The following FRMD4A variants were observed in gnomAD, a reference collection of about 807,000 sequenced individuals.
The protein encoded by FRMD4A is FERM domain-containing protein 4A.
Under a neutral mutation model 129.1 loss-of-function variants are expected in FRMD4A, and 29 were observed. The ratio of observed to expected loss-of-function variants is 0.22; its 90% CI spans 0.17 to 0.31. The LOEUF (loss-of-function observed/expected upper bound fraction) is 0.31. Ranked by LOEUF, FRMD4A falls within the 10% of genes least tolerant of loss-of-function variation. The pLI, the probability that FRMD4A is intolerant of heterozygous loss-of-function variation, is 1.00. For synonymous variants in FRMD4A, 634 were observed against 571.6 expected (o/e 1.11, Z -1.56); for missense variants, 1,272 against 1,375.8 (o/e 0.92, Z 1.19).
At chr10:13,708,235 C>T (rs1211379886) in intron 12 of FRMD4A, among the ~76,000 whole-genome samples, 1 of 152,208 alleles carries the variant, frequency 6.6e-6, no homozygotes, top group East Asian at 1.9e-4. Flanking sequence ...GGACCTCAGG[C>T]TCCTGACCCT....
At chr10:14,014,908 C>T (rs2095693301) in intron 2 of FRMD4A, among the ~76,000 whole-genome samples, 1 of 151,478 alleles carries the variant, frequency 6.6e-6, no homozygotes, top group Non-Finnish European at 1.5e-5. Flanking sequence ...CCCTCCCTCC[C>T]TCCCTTCCTT....
chr10:13,843,317 G>A (rs568726632), intron 3 of FRMD4A, among the ~76,000 whole-genome samples: 4 of 152,234 alleles, frequency 2.6e-5, no homozygotes, highest in South Asian at 4.1e-4. Flanking sequence ...TTTGAGAACC[G>A]CTGATTTCAA....
chr10:13,771,929 C>CAAAACA lies in FRMD4A; in HGVS notation c.385-9250_385-9249insTGTTTT, dbSNP rs201421882. ...ACCCTGTTTCACTTTGAAACAAAAC[C>CAAAACA]AAACAAAACAAAACAAAACACACAA... is the stretch of plus-strand genomic sequence containing the variant. On this transcript the variant is annotated intron_variant, in intron 6 of 24. Transcript: ENST00000357447. 8.6e-5 allele frequency among the ~76,000 whole-genome samples: 13 copies of CAAAACA among 151,252 alleles called. No homozygotes were observed. In the East Asian group the frequency reaches 1.4e-3, roughly 16 times the overall value.
intron 2 of FRMD4A, among the ~76,000 whole-genome samples, chr10:14,016,579 A>C (rs2095699865): frequency 6.6e-6 from 1 of 152,186 alleles, no homozygotes; most frequent in African/African-American, 2.4e-5. Context: ...TGGTAAACAG[A>C]CTTCTTCTTG....
chr10:14,185,741 G>A (rs192372942), intron 2 of FRMD4A, among the ~76,000 whole-genome samples: 5 of 152,342 alleles, frequency 3.3e-5, no homozygotes, highest in South Asian at 2.1e-4. Context: ...GATGGCAACA[G>A]CAGTAGACCA....
At chr10:13,676,744 G>A (rs751373663) in intron 15 of FRMD4A, among the ~76,000 whole-genome samples, 14 of 152,228 alleles carry the variant, frequency 9.2e-5, no homozygotes, top group Middle Eastern at 3.4e-3. Flanking sequence ...TCTCCACCGC[G>A]AAAACTGTCC....
chr10:13,915,669 CAA>C (rs68011803), intron 2 of FRMD4A, among the ~76,000 whole-genome samples: 47 of 121,932 alleles, frequency 3.9e-4, no homozygotes, highest in African/African-American at 4.0e-4. Context: ...GACTCTATCT[CAA>C]AAAAAAAAAA....
At chr10:13,963,338 A>G (rs1297985414) in intron 2 of FRMD4A, among the ~76,000 whole-genome samples, 1 of 148,250 alleles carries the variant, frequency 6.7e-6, no homozygotes, top group Non-Finnish European at 1.5e-5. Context: ...AGCCCACACC[A>G]TATGTAGGCA....
chr10:13,775,064 A>C (rs1458073951), intron 6 of FRMD4A, among the ~76,000 whole-genome samples: 1 of 152,286 alleles, frequency 6.6e-6, no homozygotes, highest in African/African-American at 2.4e-5. Flanking sequence ...AAAGACAGAG[A>C]TAGACAGCTG....
intron 2 of FRMD4A, among the ~76,000 whole-genome samples, chr10:14,278,545 T>C (rs1358258841): frequency 6.6e-6 from 1 of 152,252 alleles, no homozygotes; most frequent in East Asian, 1.9e-4. Context: ...GAAACATTTG[T>C]TCTTACAACC....
intron 2 of FRMD4A, among the ~76,000 whole-genome samples, chr10:14,047,426 T>C (rs1052187950): frequency 1.3e-5 from 2 of 152,174 alleles, no homozygotes; most frequent in African/African-American, 4.8e-5. Context: ...TGGTATGTGA[T>C]CCACACACAT....
At chr10:14,262,761 G>C (rs1353295022) in intron 2 of FRMD4A, among the ~76,000 whole-genome samples, 1 of 152,212 alleles carries the variant, frequency 6.6e-6, no homozygotes, top group Non-Finnish European at 1.5e-5. Flanking sequence ...CCTTAGACCT[G>C]AGAGTGGTCA....
intron 2 of FRMD4A, among the ~76,000 whole-genome samples, chr10:14,118,348 C>G (rs1235240188): frequency 6.6e-6 from 1 of 152,102 alleles, no homozygotes; most frequent in Non-Finnish European, 1.5e-5. Context: ...CTTGGGGGAC[C>G]CAGACTCTGT....
chr10:13,738,361 C>T (rs533415841), intron 11 of FRMD4A, among the ~76,000 whole-genome samples: 1 of 152,168 alleles, frequency 6.6e-6, no homozygotes, highest in Non-Finnish European at 1.5e-5. Flanking sequence ...CATCGATGGT[C>T]AGAGCCAGAG....
intron 2 of FRMD4A, among the ~76,000 whole-genome samples, chr10:14,151,189 T>C (rs1302435661): frequency 6.6e-6 from 1 of 152,200 alleles, no homozygotes; most frequent in Non-Finnish European, 1.5e-5. Context: ...TAAACCATTA[T>C]ATCAGAAAGT....
intron 15 of FRMD4A, among the ~76,000 whole-genome samples, chr10:13,680,762 A>G (rs1399608911): frequency 6.6e-6 from 1 of 151,904 alleles, no homozygotes; most frequent in Non-Finnish European, 1.5e-5. Context: ...AAAAAAGGAT[A>G]TAGGCTGGGC....
intron 2 of FRMD4A, among the ~76,000 whole-genome samples, chr10:14,108,006 T>C (rs1326292777): frequency 6.6e-6 from 1 of 152,240 alleles, no homozygotes; most frequent in Non-Finnish European, 1.5e-5. Flanking sequence ...TATGTGATTT[T>C]GCTATACATG....
chr10:14,186,509 A>C (rs540212319), intron 2 of FRMD4A, among the ~76,000 whole-genome samples: 1 of 152,184 alleles, frequency 6.6e-6, no homozygotes, highest in Non-Finnish European at 1.5e-5. Context: ...TCTCCCTGGG[A>C]ACAATAAAAG....
At chr10:13,671,005 T>C (rs536419028) in intron 16 of FRMD4A, among the ~76,000 whole-genome samples, 1 of 152,306 alleles carries the variant, frequency 6.6e-6, no homozygotes, top group Admixed American at 6.5e-5. Context: ...TTCCTTCAAA[T>C]GGATTTTCAC....
Sources: gnomAD v4.1 joint callset for allele counts (sites outside exome capture counted in the v4.1 genomes callset) on GRCh38, gnomAD v4.1.1 for gene constraint, MANE v1.5 for transcripts, NCBI Gene and HGNC (gene_info 2026-07-23, HGNC 2026-07-21) for gene names.